TMEM74: variants seen among roughly 807,000 people sequenced by gnomAD.
The protein encoded by TMEM74 is transmembrane protein 74.
In TMEM74, 13 loss-of-function variants were observed where a neutral mutation model predicts 18.1. The observed-to-expected ratio is 0.72, with a 90% confidence interval of 0.47 to 1.14. TMEM74 has a LOEUF of 1.14. Among genes scored for constraint, TMEM74 ranks in the 50% most tolerant of loss-of-function variants. The probability of loss-of-function intolerance (pLI) is 0.00; values close to 1 mark genes in which losing one functional copy is unlikely to be tolerated. For synonymous variants in TMEM74, 159 were observed against 146.6 expected, an observed-to-expected ratio of 1.08 and a Z score of -0.61; for missense variants, 372 against 375.9, an observed-to-expected ratio of 0.99 and a Z score of 0.09.
chr8:108,703,409 C>G (rs1813356203), intron 1 of TMEM74, among the ~76,000 whole-genome samples: 1 of 152,094 alleles, frequency 6.6e-6, no homozygotes, highest in Admixed American at 6.6e-5. Context: ...ATAAGGTTAA[C>G]TAGGGTGTAT....
At chr8:108,630,790 G>C (rs1812543291) in intron 2 of TMEM74, among the ~76,000 whole-genome samples, 1 of 151,982 alleles carries the variant, frequency 6.6e-6, no homozygotes, top group African/African-American at 2.4e-5. Context: ...TGAGAAAAAA[G>C]AGACAATGTA....
chr8:108,630,424 A>T (rs375815824), intron 2 of TMEM74, among the ~76,000 whole-genome samples: 1 of 152,124 alleles, frequency 6.6e-6, no homozygotes, highest in Admixed American at 6.6e-5. Flanking sequence ...GATCGACGAG[A>T]CAGAAAATTC....
chr8:108,673,851 T>A (rs2130592387), intron 1 of TMEM74, among the ~76,000 whole-genome samples: 1 of 152,350 alleles, frequency 6.6e-6, no homozygotes, highest in South Asian at 2.1e-4. Flanking sequence ...AGTGGAACAC[T>A]GTTATCACAA....
At chr8:108,679,627 A>G (rs1348261892) in intron 1 of TMEM74, among the ~76,000 whole-genome samples, 17 of 152,030 alleles carry the variant, frequency 1.1e-4, no homozygotes, top group Non-Finnish European at 2.1e-4. Context: ...GTTGGAGTTC[A>G]TTGTAGATTC....
intron 1 of TMEM74, among the ~76,000 whole-genome samples, chr8:108,736,453 G>A (rs377267832): frequency 1.3e-5 from 2 of 152,060 alleles, no homozygotes; most frequent in African/African-American, 2.4e-5. Context: ...ATAATTAGAT[G>A]TTATTAGTCT....
At chr8:108,608,076 G>T (rs1812295102) in intron 3 of TMEM74, among the ~76,000 whole-genome samples, 1 of 151,970 alleles carries the variant, frequency 6.6e-6, no homozygotes, top group Non-Finnish European at 1.5e-5. Flanking sequence ...GGCCGAGGCG[G>T]GTGGATCACA....
chr8:108,646,904 G>A (rs911756586), intron 2 of TMEM74, among the ~76,000 whole-genome samples: 3 of 152,106 alleles, frequency 2.0e-5, no homozygotes, highest in African/African-American at 7.2e-5. Context: ...ATAACACAGG[G>A]GTGGGTTCCT....
At chr8:108,678,844 C>G (rs1221132672) in intron 1 of TMEM74, among the ~76,000 whole-genome samples, 1 of 150,054 alleles carries the variant, frequency 6.7e-6, no homozygotes, top group Non-Finnish European at 1.5e-5. Context: ...TGTGCTGCAC[C>G]CATTAACTCA....
chr8:108,632,948 C>T (rs1352016363), intron 2 of TMEM74, among the ~76,000 whole-genome samples: 1 of 152,000 alleles, frequency 6.6e-6, no homozygotes, highest in African/African-American at 2.4e-5. Flanking sequence ...TAGTTCAGAA[C>T]ACCGTGGGCT....
intron 1 of TMEM74, among the ~76,000 whole-genome samples, chr8:108,731,459 G>T (rs1006127124): frequency 2.0e-5 from 3 of 152,136 alleles, no homozygotes; most frequent in Non-Finnish European, 4.4e-5. Context: ...ATTTCTGCCT[G>T]CCAAAGCATT....
chr8:108,652,102 A>T (rs1344717260), intron 2 of TMEM74, among the ~76,000 whole-genome samples: 3 of 145,512 alleles, frequency 2.1e-5, no homozygotes, highest in Non-Finnish European at 3.1e-5. Context: ...GCTAGAAAGA[A>T]AAAACATTTT....
rs149053928 is a variant in TMEM74, at chr8:108,731,914, A to G, written n.119+55562T>C. Among the ~76,000 whole-genome samples, 363 of 147,140 alleles carry G rather than the reference A, an allele frequency of 2.5e-3. 3 individuals carry two copies. Among genetic ancestry groups the G allele is most frequent in the African/African-American group, 8.1e-3 (325 of 40,356 alleles). On this transcript the variant is annotated intron_variant and non_coding_transcript_variant, in intron 1 of 3. Transcript: ENST00000518838. ...ACATAAAACAGGAAGGGAAGTATGG[A>G]AAAAAAAAAGCCCACCATTTTTTCT...
In TMEM74 at chr8:108,714,083, G is replaced by A. The variant is rs138267006; in HGVS notation, n.120-58646C>T. Among the ~76,000 whole-genome samples the A allele has an allele frequency of 1.7e-3, 264 of 152,276 alleles. 2 individuals carry two copies. The highest frequency in any genetic ancestry group is 6.2e-3 in the African/African-American group (258 of 41,558). ...ACGACACCTTCCCACACTGAGGGCA[G>A]TTCTTTCCTACCTGGTCCCCTCAGA... On this transcript the variant is annotated intron_variant and non_coding_transcript_variant, in intron 1 of 3. Coordinates refer to the TMEM74 transcript ENST00000518838.
chr8:108,701,844 G>T (rs1813338059), intron 1 of TMEM74, among the ~76,000 whole-genome samples: 1 of 152,092 alleles, frequency 6.6e-6, no homozygotes, highest in Non-Finnish European at 1.5e-5. Context: ...TTGATCTATA[G>T]ATTCAATGCA....
chr8:108,693,111 A>G (rs1267356482), intron 1 of TMEM74, among the ~76,000 whole-genome samples: 1 of 152,202 alleles, frequency 6.6e-6, no homozygotes, highest in Admixed American at 6.5e-5. Flanking sequence ...GAGGAGCAGC[A>G]ATTGTAAAGG....
At chr8:108,657,471 T>C (rs907314703) in intron 1 of TMEM74, among the ~76,000 whole-genome samples, 5 of 152,042 alleles carry the variant, frequency 3.3e-5, no homozygotes, top group African/African-American at 1.2e-4. Flanking sequence ...GGTTTGTAAG[T>C]GCTCTGAAGC....
chr8:108,738,147 C>G (rs1037271792), intron 1 of TMEM74, among the ~76,000 whole-genome samples: 2 of 152,082 alleles, frequency 1.3e-5, no homozygotes, highest in African/African-American at 2.4e-5. Flanking sequence ...TGTGCTCTTT[C>G]TTGAGATGGC....
chr8:108,674,792 C>T (rs976232339), intron 1 of TMEM74, among the ~76,000 whole-genome samples: 1 of 152,176 alleles, frequency 6.6e-6, no homozygotes, highest in African/African-American at 2.4e-5. Context: ...GTGAATTGTC[C>T]TCCGTAGAGT....
chr8:108,611,478 C>A (rs933144557), intron 2 of TMEM74, among the ~76,000 whole-genome samples: 4 of 152,016 alleles, frequency 2.6e-5, no homozygotes, highest in African/African-American at 9.7e-5. Flanking sequence ...TATTATAGAA[C>A]CTTGGGGTAT....
Sources: allele counts gnomAD v4.1 joint callset (sites outside exome capture counted in the v4.1 genomes callset), GRCh38; gene constraint gnomAD v4.1.1; transcripts MANE v1.5; gene names NCBI Gene and HGNC (gene_info 2026-07-23, HGNC 2026-07-21).